The following TFEC variants were observed in gnomAD, a reference collection of about 807,000 sequenced individuals.
TFEC encodes class E basic helix-loop-helix protein 34.
A neutral mutation model predicts 41.6 loss-of-function variants in TFEC; 31 were observed. The observed-to-expected ratio is 0.74, with a 90% confidence interval of 0.56 to 1.01. TFEC has a LOEUF of 1.01. TFEC is among the 50% of genes least tolerant of loss of function. TFEC has a pLI of 0.00. For synonymous variants in TFEC, 143 were observed against 140.6 expected, an observed-to-expected ratio of 1.02 and a Z score of -0.12; for missense variants, 402 against 404.1, an observed-to-expected ratio of 0.99 and a Z score of 0.04.
chr7:116,023,640 C>T (rs1456459487), intron 1 of TFEC, among the ~76,000 whole-genome samples: 1 of 152,072 alleles, frequency 6.6e-6, no homozygotes, highest in Non-Finnish European at 1.5e-5. Flanking sequence ...AGAGACTTGC[C>T]CTAGGTCAGT....
upstream of TFEC, among the ~76,000 whole-genome samples, chr7:116,030,984 C>T (rs575231360): frequency 2.6e-5 from 4 of 152,222 alleles, no homozygotes; most frequent in South Asian, 8.3e-4. Context: ...ACAGTAAAAG[C>T]TCTTGTTGGT....
At chr7:115,941,075 T>A in intron 7 of TFEC, 144 bp from the exon 8 acceptor site, 1 of 774,072 alleles carries the variant, frequency 1.3e-6, no homozygotes, top group Non-Finnish European at 2.0e-6. Context: ...TCTTTGCAAA[T>A]AATGAAATTG....
intron 1 of TFEC, among the ~76,000 whole-genome samples, chr7:116,140,992 A>G (rs1271305479): frequency 6.6e-6 from 1 of 152,234 alleles, no homozygotes; most frequent in Non-Finnish European, 1.5e-5. Flanking sequence ...TGTATAAAGT[A>G]TCAAGCCCTC....
intron 3 of TFEC, among the ~76,000 whole-genome samples, chr7:116,083,960 A>C (rs1276677825): frequency 6.6e-6 from 1 of 151,966 alleles, no homozygotes; most frequent in Non-Finnish European, 1.5e-5. Flanking sequence ...AGGGCAAAGA[A>C]TGAAAGCCAC....
At chr7:115,949,527 G>C (rs996607457) in intron 6 of TFEC, among the ~76,000 whole-genome samples, 9 of 152,064 alleles carry the variant, frequency 5.9e-5, no homozygotes, top group Non-Finnish European at 1.5e-5. Context: ...ACAGAACAGA[G>C]CCCTCAGAAA....
intron 6 of TFEC, among the ~76,000 whole-genome samples, chr7:115,948,331 C>T (rs1418473167): frequency 6.6e-6 from 1 of 151,816 alleles, no homozygotes; most frequent in African/African-American, 2.4e-5. Context: ...AGAGGGAATC[C>T]TCCCTAACTC....
Position 115,940,263 on chromosome 7 carries a change from C to A in TFEC, c.*288G>T. ...CACCAAGTTGCTGCTTTTAAAACAT[C>A]AATAAAGAGCTATTTCTTATGCTGT... On this transcript the variant is annotated 3_prime_UTR_variant, in exon 8 of 8. Coordinates refer to ENST00000265440, the MANE Select transcript of TFEC (RefSeq NM_012252.4). The A allele has an allele frequency of 4.0e-6, 1 of 252,856 alleles. No individual in the cohort carries two copies. Among genetic ancestry groups the A allele is most frequent in the Non-Finnish European group, 7.6e-6 (1 of 131,670 alleles). The allele number at this position is 252,856 out of a possible 1,614,324, so 15.7% of individuals were successfully genotyped here. A position where few individuals can be genotyped will look rare whatever the true frequency, so the allele number is the denominator to read the frequency against.
chr7:116,017,331 C>T (rs1795229781), intron 1 of TFEC, among the ~76,000 whole-genome samples: 1 of 152,176 alleles, frequency 6.6e-6, no homozygotes, highest in African/African-American at 2.4e-5. Flanking sequence ...AAGTGATTCT[C>T]CTGCCTCAGC....
At chr7:116,140,814 T>C (rs1798525652) in intron 1 of TFEC, among the ~76,000 whole-genome samples, 1 of 152,204 alleles carries the variant, frequency 6.6e-6, no homozygotes, top group Admixed American at 6.5e-5. Context: ...CAAATGTTTA[T>C]AGGGCAACCA....
chr7:115,989,857 T>C (rs1024021256), intron 1 of TFEC, among the ~76,000 whole-genome samples: 2 of 152,224 alleles, frequency 1.3e-5, no homozygotes, highest in African/African-American at 4.8e-5. Flanking sequence ...CGTCACTGTC[T>C]GACAGCTTTG....
chr7:115,995,352 A>C (rs932953493), intron 1 of TFEC, among the ~76,000 whole-genome samples: 21 of 152,172 alleles, frequency 1.4e-4, no homozygotes, highest in Non-Finnish European at 2.5e-4. Context: ...ATTAAAAAAA[A>C]CAAAAATAAA....
At chr7:116,084,472 G>A (rs1262066782) in intron 3 of TFEC, among the ~76,000 whole-genome samples, 4 of 151,872 alleles carry the variant, frequency 2.6e-5, no homozygotes, top group Middle Eastern at 3.4e-3. Flanking sequence ...GTCCGAGCTC[G>A]TTCTAATAAA....
chr7:116,122,309 T>C (rs1467908663), intron 1 of TFEC, among the ~76,000 whole-genome samples: 1 of 152,080 alleles, frequency 6.6e-6, no homozygotes. Context: ...CAAAAGTTCA[T>C]TAATAAGTTC....
intron 3 of TFEC, among the ~76,000 whole-genome samples, chr7:116,050,932 T>C (rs1796294387): frequency 6.6e-6 from 1 of 152,008 alleles, no homozygotes; most frequent in African/African-American, 2.4e-5. Context: ...ATTAAGAAAA[T>C]GTGGCACATA....
At chr7:116,040,732 C>T (rs1325749515) in intron 3 of TFEC, among the ~76,000 whole-genome samples, 3 of 152,158 alleles carry the variant, frequency 2.0e-5, no homozygotes, top group African/African-American at 7.2e-5. Flanking sequence ...GAAACTGTCT[C>T]CTCTCCAAAG....
intron 3 of TFEC, among the ~76,000 whole-genome samples, chr7:115,963,096 G>A (rs1447367471): frequency 6.6e-6 from 1 of 151,420 alleles, no homozygotes; most frequent in African/African-American, 2.4e-5. Flanking sequence ...GTGAGAACAT[G>A]CAGTGTTTGG....
rs545428151 is a variant in TFEC at position 115,935,371 on chromosome 7, T to G, written c.*5180A>C. On this transcript the variant is annotated 3_prime_UTR_variant, in exon 8 of 8. Transcript: ENST00000265440. ...TTTCTTGATCTAACCAATGTCAGAT[T>G]AAAATTATAGGAATGTTACTTCAGC... 6.6e-6 allele frequency: 1 copy of G among 152,214 alleles called. No individual in the cohort carries two copies. Among genetic ancestry groups the G allele is most frequent in the South Asian group, 2.1e-4 (1 of 4,830 alleles). 9.4% of individuals were successfully genotyped at this position (152,214 alleles called of 1,614,324 possible).
intron 6 of TFEC, among the ~76,000 whole-genome samples, chr7:115,948,636 C>T (rs1358608397): frequency 4.0e-5 from 6 of 151,756 alleles, no homozygotes; most frequent in African/African-American, 1.5e-4. Context: ...AGGCCTTTGA[C>T]AAAATTCAAC....
intron 3 of TFEC, among the ~76,000 whole-genome samples, chr7:115,973,422 C>G (rs944430655): frequency 6.6e-6 from 1 of 151,804 alleles, no homozygotes; most frequent in Non-Finnish European, 1.5e-5. Flanking sequence ...AATTCAATTG[C>G]GATCTTTGAG....
Sources: allele counts gnomAD v4.1 joint callset (sites outside exome capture counted in the v4.1 genomes callset), GRCh38; gene constraint gnomAD v4.1.1; transcripts MANE v1.5; gene names NCBI Gene and HGNC (gene_info 2026-07-23, HGNC 2026-07-21).